The following ACOXL variants were observed in gnomAD, a reference collection of about 807,000 sequenced individuals.
The protein encoded by ACOXL is acyl-coenzyme A oxidase-like protein.
A neutral mutation model predicts 71.9 loss-of-function variants in ACOXL; 70 were observed. The ratio of observed to expected loss-of-function variants is 0.97; its 90% CI spans 0.80 to 1.19. ACOXL has a LOEUF of 1.19. ACOXL is among the 50% of genes most tolerant of loss of function. The probability of loss-of-function intolerance (pLI) is 0.00; values close to 1 mark genes in which losing one functional copy is unlikely to be tolerated. For synonymous variants in ACOXL, 253 were observed against 281.6 expected (o/e 0.90, Z 1.02); for missense variants, 703 against 736.3 (o/e 0.95, Z 0.52).
intron 14 of ACOXL, among the ~76,000 whole-genome samples, chr2:111,015,093 T>C (rs2064363978): frequency 6.6e-6 from 1 of 152,198 alleles, no homozygotes; most frequent in South Asian, 2.1e-4. Flanking sequence ...AAAGTACTAA[T>C]TGGTAAATTA....
At chr2:110,872,200 A>G (rs550387834) in intron 10 of ACOXL, among the ~76,000 whole-genome samples, 7 of 152,124 alleles carry the variant, frequency 4.6e-5, no homozygotes, top group African/African-American at 1.7e-4. Flanking sequence ...GAAGGAGTAC[A>G]TGGAAGCTGC....
intron 12 of ACOXL, among the ~76,000 whole-genome samples, chr2:110,935,487 G>A (rs576389523): frequency 1.6e-4 from 24 of 152,184 alleles, no homozygotes; most frequent in Admixed American, 1.2e-3. Flanking sequence ...AACCGCCCTC[G>A]CCTGCTCTCC....
At chr2:110,991,336 T>A (rs2063163561) in intron 13 of ACOXL, among the ~76,000 whole-genome samples, 1 of 152,224 alleles carries the variant, frequency 6.6e-6, no homozygotes, top group Non-Finnish European at 1.5e-5. Flanking sequence ...GATGTTTGAC[T>A]GGTTTATTGT....
intron 2 of ACOXL, among the ~76,000 whole-genome samples, chr2:110,781,176 A>T (rs973304662): frequency 3.3e-5 from 5 of 152,076 alleles, no homozygotes; most frequent in African/African-American, 1.2e-4. Flanking sequence ...ATTGAACATA[A>T]CTCATGCGCT....
At chr2:110,948,703 T>TAAAAAAAAA (rs5833377) in intron 12 of ACOXL, among the ~76,000 whole-genome samples, 2 of 70,808 alleles carry the variant, frequency 2.8e-5, no homozygotes, top group African/African-American at 7.0e-5. Flanking sequence ...CCAGAAGAAC[T>TAAAAAAAAA]AAAAAAAAAA....
chr2:110,919,717 G>A (rs978654883), intron 11 of ACOXL, among the ~76,000 whole-genome samples: 17 of 152,096 alleles, frequency 1.1e-4, no homozygotes, highest in African/African-American at 4.1e-4. Flanking sequence ...TCTCTTTTTA[G>A]TTAACTTCTT....
chr2:111,108,553 A>T (rs1558977214), intron 17 of ACOXL, among the ~76,000 whole-genome samples: 1 of 151,840 alleles, frequency 6.6e-6, no homozygotes, highest in East Asian at 1.9e-4. Flanking sequence ...TAATTTTTGT[A>T]TTTTTAGTAG....
chr2:111,067,645 A>T (rs577233550), intron 16 of ACOXL, among the ~76,000 whole-genome samples: 1 of 152,384 alleles, frequency 6.6e-6, no homozygotes, highest in African/African-American at 2.4e-5. Context: ...CATTATTTAC[A>T]GCCAAAATTC....
intron 12 of ACOXL, among the ~76,000 whole-genome samples, chr2:110,979,695 A>G (rs1030885932): frequency 6.6e-6 from 1 of 152,112 alleles, no homozygotes; most frequent in African/African-American, 2.4e-5. Flanking sequence ...GACTAGGCCC[A>G]CAGCAGGGAT....
rs1247247989 is a variant in ACOXL, at chr2:111,101,645, T to C, written c.1542+8679T>C. Among the ~76,000 whole-genome samples the C allele has an allele frequency of 2.0e-5, 3 of 148,524 alleles. No individual in the cohort carries two copies. In the East Asian group the frequency reaches 6.0e-4, roughly 30 times the overall value. On this transcript the variant is annotated intron_variant, in intron 17 of 17. Coordinates refer to ENST00000439055, the MANE Select transcript of ACOXL (RefSeq NM_001142807.4). ...CATAGACTTCTGTTTTTCTCTGTAA[T>C]GAATTTGAGGGAAAAAAAAAAAAAA...
intron 10 of ACOXL, among the ~76,000 whole-genome samples, chr2:110,872,891 TG>T (rs1695446291): frequency 6.6e-6 from 1 of 152,190 alleles, no homozygotes; most frequent in African/African-American, 2.4e-5. Flanking sequence ...TCCAGTGAAA[TG>T]TCTCCAAGGA....
intron 12 of ACOXL, among the ~76,000 whole-genome samples, chr2:110,951,078 G>A (rs2061317674): frequency 6.6e-6 from 1 of 152,166 alleles, no homozygotes; most frequent in Non-Finnish European, 1.5e-5. Flanking sequence ...TCTCAGTTGA[G>A]TCAGAGTCCT....
At chr2:111,032,815 C>T (rs1003096256) in intron 15 of ACOXL, among the ~76,000 whole-genome samples, 1 of 152,164 alleles carries the variant, frequency 6.6e-6, no homozygotes, top group Non-Finnish European at 1.5e-5. Flanking sequence ...CTGGGCAGTT[C>T]CAAAAGAGCA....
intron 16 of ACOXL, among the ~76,000 whole-genome samples, chr2:111,086,491 A>G (rs187769796): frequency 3.3e-5 from 5 of 152,320 alleles, no homozygotes; most frequent in Admixed American, 3.3e-4. Flanking sequence ...GATGCAGATG[A>G]AATTCGATAG....
chr2:110,909,890 G>A (rs1435737482), intron 11 of ACOXL, among the ~76,000 whole-genome samples: 3 of 151,778 alleles, frequency 2.0e-5, no homozygotes, highest in South Asian at 2.1e-4. Context: ...CTGAGCTGCA[G>A]GTAACAACAG....
Position 111,117,695 on chromosome 2 carries a change from A to C in ACOXL, c.1622A>C (p.His541Pro). ...TTTAACATTCCACACACCTACCTCCACGCACCAATCGCCGGAATCTCCAAC... is the reference window on the plus strand; with the variant it reads ...TTTAACATTCCACACACCTACCTCCCCGCACCAATCGCCGGAATCTCCAAC... ...STFNIPHTYL[H>P]APIAGISNPR... Residue 541 changes from histidine (H) to proline (P), a missense_variant, in exon 18 of 18, where the codon CAC becomes CCC. By Grantham distance (77) the His-to-Pro change is moderately conservative. Coordinates refer to ENST00000439055, the MANE Select transcript of ACOXL (RefSeq NM_001142807.4). 1 of 1,551,698 alleles carries C rather than the reference A, an allele frequency of 6.4e-7. No homozygotes were observed. The highest frequency in any genetic ancestry group is 1.2e-5 in the South Asian group (1 of 84,066).
At chr2:110,930,759 G>T (rs1301197393) in intron 11 of ACOXL, among the ~76,000 whole-genome samples, 1 of 152,150 alleles carries the variant, frequency 6.6e-6, no homozygotes, top group Non-Finnish European at 1.5e-5. Context: ...AGATCTAGTT[G>T]TTTTACAAGA....
chr2:110,916,068 A>T (rs867842836), intron 11 of ACOXL, among the ~76,000 whole-genome samples: 3 of 151,642 alleles, frequency 2.0e-5, no homozygotes, highest in African/African-American at 4.8e-5. Flanking sequence ...AGTCTTGCCA[A>T]TTTTTTCTCC....
intron 2 of ACOXL, among the ~76,000 whole-genome samples, chr2:110,775,556 C>G (rs192630974): frequency 2.0e-4 from 31 of 151,964 alleles, no homozygotes; most frequent in Admixed American, 1.8e-3. Flanking sequence ...AGAAAAAAAC[C>G]AAACAACTAG....
Sources: gnomAD v4.1 joint callset for allele counts (sites outside exome capture counted in the v4.1 genomes callset) on GRCh38, gnomAD v4.1.1 for gene constraint, MANE v1.5 for transcripts, NCBI Gene and HGNC (gene_info 2026-07-23, HGNC 2026-07-21) for gene names.